Variants in MBP observed in about 807,000 individuals in gnomAD.
The protein encoded by MBP is Golli-MBP.
A neutral mutation model predicts 35.8 loss-of-function variants in MBP; 16 were observed. That is an observed-to-expected ratio of 0.45 (90% CI 0.30 to 0.68). The LOEUF (loss-of-function observed/expected upper bound fraction) is 0.68. Ranked by LOEUF, MBP falls within the 30% of genes least tolerant of loss-of-function variation. The pLI, the probability that MBP is intolerant of heterozygous loss-of-function variation, is 0.08. For synonymous variants in MBP, 143 were observed against 159.6 expected, an observed-to-expected ratio of 0.90 and a Z score of 0.78; for missense variants, 380 against 404.7, an observed-to-expected ratio of 0.94 and a Z score of 0.52.
intron 4 of MBP, among the ~76,000 whole-genome samples, chr18:77,008,389 C>T (rs866554025): frequency 7.2e-5 from 11 of 152,124 alleles, no homozygotes; most frequent in African/African-American, 2.7e-4. Flanking sequence ...AAACTACCTG[C>T]GGGTAGTGGT....
chr18:77,036,814 TTGGAGGACTGAGCTGAG>T (rs1379188259), intron 3 of MBP, among the ~76,000 whole-genome samples: 9 of 148,034 alleles, frequency 6.1e-5, no homozygotes, highest in South Asian at 2.2e-4. Flanking sequence ...TGCTCACGTT[TTGGAGGACTGAGCTGAG>T]CAAGTGCTGG....
At chr18:77,009,434 T>C (rs142139285) in intron 4 of MBP, among the ~76,000 whole-genome samples, 1 of 152,330 alleles carries the variant, frequency 6.6e-6, no homozygotes, top group Non-Finnish European at 1.5e-5. Context: ...AAATGTCTGC[T>C]AGGCACTAGT....
At chr18:76,985,132 C>T in intron 7 of MBP, 1 of 1,538,452 alleles carries the variant, frequency 6.5e-7, no homozygotes, top group Non-Finnish European at 8.7e-7. Context: ...TGGGCGGAGG[C>T]TCTCTCATGA....
At position 77,015,093 on chromosome 18, in the gene MBP, T is replaced by C. The variant is rs1251654837; in HGVS notation, c.576+1739A>G. 6.1e-6 allele frequency: 6 copies of C among 982,938 alleles called. No individual in the cohort carries two copies. In the East Asian group the frequency reaches 4.5e-4, roughly 74 times the overall value. 60.9% of individuals were successfully genotyped at this position (982,938 alleles called of 1,614,324 possible). On this transcript the variant is annotated intron_variant, in intron 4 of 8. Coordinates refer to ENST00000355994, the MANE Select transcript of MBP (RefSeq NM_001025101.2). ...GACAATAAAGGCTGTAATCTTACCA[T>C]AAAGGAAGAAAAACATCTATGTGTG...
chr18:77,105,061 A>G (rs1375451496), intron 2 of MBP, 150 bp downstream of exon 2: 1 of 360,742 alleles, frequency 2.8e-6, no homozygotes, highest in Admixed American at 4.0e-5. Flanking sequence ...ATTAATTATT[A>G]ATAATAATTA....
intron 4 of MBP, among the ~76,000 whole-genome samples, chr18:77,010,534 A>G (rs1262761417): frequency 6.6e-6 from 1 of 152,242 alleles, no homozygotes; most frequent in Non-Finnish European, 1.5e-5. Context: ...GCAGAGCATG[A>G]GGAAATAATT....
intron 2 of MBP, among the ~76,000 whole-genome samples, chr18:77,077,684 G>A (rs114453395): frequency 0.026 from 3,998 of 152,234 alleles, 175 homozygotes; most frequent in African/African-American, 0.091. Context: ...GAGCTGTCCT[G>A]CACCCACGAG....
At chr18:77,069,780 G>T (rs888978225) in intron 2 of MBP, among the ~76,000 whole-genome samples, 2 of 152,144 alleles carry the variant, frequency 1.3e-5, no homozygotes, top group Admixed American at 1.3e-4. Flanking sequence ...TTGTGCACAC[G>T]TTGGTCCCAC....
chr18:77,007,290 T>C (rs1165542579), intron 4 of MBP, among the ~76,000 whole-genome samples: 1 of 152,214 alleles, frequency 6.6e-6, no homozygotes, highest in Admixed American at 6.5e-5. Context: ...AAGCTCCTTC[T>C]CAGGGACGAG....
chr18:77,095,731 A>G (rs114971542), intron 2 of MBP, among the ~76,000 whole-genome samples: 63 of 152,350 alleles, frequency 4.1e-4, no homozygotes, highest in African/African-American at 1.4e-3. Flanking sequence ...TTATGTGCTC[A>G]GATGTCACCC....
At chr18:77,009,886 T>G in intron 4 of MBP, 1 of 1,596,284 alleles carries the variant, frequency 6.3e-7, no homozygotes. Context: ...GCTGCGGGCA[T>G]GAGAGGGCAG....
chr18:77,132,438 A>C (rs932711411), intron 1 of MBP, 142 bp downstream of exon 1: 2 of 152,232 alleles, frequency 1.3e-5, no homozygotes, highest in African/African-American at 4.8e-5. Flanking sequence ...GGGCGTCGGG[A>C]TAGCTCCTGT....
chr18:76,995,320 T>G (rs76612022), intron 4 of MBP, among the ~76,000 whole-genome samples: 11,641 of 152,250 alleles, frequency 0.076, 1,064 homozygotes, highest in African/African-American at 0.21. Flanking sequence ...AAAGTTTTGT[T>G]TAGCTAGAGA....
At chr18:77,007,775 G>A (rs7236014) in intron 4 of MBP, among the ~76,000 whole-genome samples, 9 of 152,174 alleles carry the variant, frequency 5.9e-5, no homozygotes, top group Non-Finnish European at 8.8e-5. Flanking sequence ...ACCTTTCCGC[G>A]TGTGTCCTGG....
chr18:77,106,454 A>C (rs1976280177), intron 1 of MBP, among the ~76,000 whole-genome samples: 1 of 152,138 alleles, frequency 6.6e-6, no homozygotes. Context: ...CGCCTACAGC[A>C]CAGTCGCCAC....
At chr18:77,071,591 T>C (rs1599184262) in intron 2 of MBP, among the ~76,000 whole-genome samples, 1 of 152,176 alleles carries the variant, frequency 6.6e-6, no homozygotes, top group Non-Finnish European at 1.5e-5. Flanking sequence ...TATTCTCTCC[T>C]TGGACACTTG....
chr18:77,022,202 A>G (rs765243650), intron 3 of MBP, among the ~76,000 whole-genome samples: 26 of 152,070 alleles, frequency 1.7e-4, no homozygotes, highest in Non-Finnish European at 3.7e-4. Flanking sequence ...CACATACATT[A>G]CAGATGTTTG....
intron 1 of MBP, chr18:77,109,526 TG>T (rs1976382160): frequency 6.6e-6 from 1 of 152,248 alleles, no homozygotes; most frequent in Non-Finnish European, 1.5e-5. Flanking sequence ...GAAATAATTG[TG>T]AGTGCAATTT....
chr18:76,988,147 A>G lies in MBP; in HGVS notation c.750+348T>C. On this transcript the variant is annotated intron_variant, in intron 7 of 8. Transcript: ENST00000355994. This position sits in a 1 kb window ranked among gnomAD's most constrained non-coding sequence, Gnocchi z 5.2. ...CATGCGGGTTCCTGGGGCTTCTCGC[A>G]CTGGTTGTGTTGGAGGAAGTTAAAC... 6.5e-7 allele frequency: 1 copy of G among 1,534,598 alleles called. No homozygotes were observed. The highest frequency in any genetic ancestry group is 8.7e-7 in the Non-Finnish European group (1 of 1,145,468).
Sources: allele counts gnomAD v4.1 joint callset (sites outside exome capture counted in the v4.1 genomes callset), GRCh38; gene constraint gnomAD v4.1.1; non-coding constraint Gnocchi (gnomAD v3.1); transcripts MANE v1.5; gene names NCBI Gene and HGNC (gene_info 2026-07-23, HGNC 2026-07-21).